Variants in LINGO2 observed in about 807,000 individuals in gnomAD.
LINGO2 encodes the protein leucine rich repeat and Ig domain containing 2.
In LINGO2, 14 loss-of-function variants were observed where a neutral mutation model predicts 30.6. The observed-to-expected ratio is 0.46, with a 90% CI of 0.30 to 0.72. LINGO2 has a LOEUF of 0.72. LINGO2 is among the 30% of genes least tolerant of loss of function. The probability of loss-of-function intolerance (pLI) is 0.07; values close to 1 mark genes in which losing one functional copy is unlikely to be tolerated. For missense variants in LINGO2, 729 were observed against 751.7 expected (o/e 0.97, Z 0.35); for synonymous variants, 317 against 288.5 (o/e 1.10, Z -1.00).
chr9:28,227,657 C>T (rs891591902), intron 4 of LINGO2, among the ~76,000 whole-genome samples: 12 of 151,976 alleles, frequency 7.9e-5, no homozygotes, highest in Non-Finnish European at 1.6e-4. Flanking sequence ...TAAAATGACT[C>T]CTAAAAGACT....
the LINGO2 span, among the ~76,000 whole-genome samples, chr9:29,180,769 T>C: frequency 6.6e-6 from 1 of 152,030 alleles, no homozygotes; most frequent in Non-Finnish European, 1.5e-5. Flanking sequence ...AAAGGGAAAA[T>C]AGGCAAAGAA....
chr9:28,307,150 C>A (rs912389855), intron 3 of LINGO2, among the ~76,000 whole-genome samples: 9 of 152,160 alleles, frequency 5.9e-5, no homozygotes, highest in African/African-American at 2.2e-4. Context: ...AGATCAATAT[C>A]CCTGATGAAC....
chr9:28,192,251 A>G (rs1289020556), intron 4 of LINGO2, among the ~76,000 whole-genome samples: 2 of 152,068 alleles, frequency 1.3e-5, no homozygotes, highest in East Asian at 1.9e-4. Context: ...ATATATATAC[A>G]TGTTATATAT....
chr9:28,778,325 AT>A, the LINGO2 span, among the ~76,000 whole-genome samples: 4 of 152,074 alleles, frequency 2.6e-5, no homozygotes, highest in Middle Eastern at 3.4e-3. Flanking sequence ...AATTTATGTG[AT>A]TTTTTTTCTT....
At chr9:29,123,000 T>A in the LINGO2 span, among the ~76,000 whole-genome samples, 1 of 152,136 alleles carries the variant, frequency 6.6e-6, no homozygotes, top group Non-Finnish European at 1.5e-5. Context: ...GGGTAGGTCC[T>A]GAGAATCTGC....
chr9:28,004,560 T>C (rs1822163008), intron 5 of LINGO2, among the ~76,000 whole-genome samples: 1 of 152,188 alleles, frequency 6.6e-6, no homozygotes, highest in Admixed American at 6.5e-5. Flanking sequence ...ACTGCGTTGA[T>C]GGTAAGGAGT....
chr9:28,074,516 C>T (rs1282052874), intron 4 of LINGO2, among the ~76,000 whole-genome samples: 1 of 152,122 alleles, frequency 6.6e-6, no homozygotes, highest in Non-Finnish European at 1.5e-5. Context: ...CAGAACATAA[C>T]AGCTTGTAAT....
At chr9:28,001,406 CA>C (rs1821946411) in intron 5 of LINGO2, among the ~76,000 whole-genome samples, 1 of 108,828 alleles carries the variant, frequency 9.2e-6, no homozygotes, top group Non-Finnish European at 2.0e-5. Flanking sequence ...ACAAGTTATA[CA>C]ATAAGCCCAT....
At chr9:28,447,548 C>A (rs943661685) in intron 2 of LINGO2, among the ~76,000 whole-genome samples, 13 of 152,158 alleles carry the variant, frequency 8.5e-5, no homozygotes, top group African/African-American at 3.1e-4. Context: ...ACTAAGACAG[C>A]AACCAACTGA....
the LINGO2 span, among the ~76,000 whole-genome samples, chr9:29,081,322 G>T: frequency 6.6e-6 from 1 of 151,976 alleles, no homozygotes; most frequent in Non-Finnish European, 1.5e-5. Context: ...CAGAACCAAA[G>T]ACAAAAACCA....
At chr9:29,162,992 T>C in the LINGO2 span, among the ~76,000 whole-genome samples, 1 of 152,118 alleles carries the variant, frequency 6.6e-6, no homozygotes, top group Admixed American at 6.5e-5. Flanking sequence ...AGAGAAAGCA[T>C]AAGAGAAAGA....
intron 3 of LINGO2, among the ~76,000 whole-genome samples, chr9:28,350,432 T>C (rs2134440060): frequency 6.7e-6 from 1 of 149,648 alleles, no homozygotes; most frequent in South Asian, 2.2e-4. Context: ...AAGGGATCAA[T>C]TCAACAAGAA....
chr9:28,858,987 C>T, the LINGO2 span, among the ~76,000 whole-genome samples: 1 of 151,886 alleles, frequency 6.6e-6, no homozygotes, highest in Non-Finnish European at 1.5e-5. Flanking sequence ...TCATAATATA[C>T]AGCAGAGATT....
intron 3 of LINGO2, among the ~76,000 whole-genome samples, chr9:28,312,517 A>T (rs1444399406): frequency 6.6e-6 from 1 of 152,176 alleles, no homozygotes; most frequent in Non-Finnish European, 1.5e-5. Flanking sequence ...GAAGCTAAAT[A>T]AGAGGATTTC....
At chr9:28,497,218 T>G (rs1003306589) in intron 1 of LINGO2, among the ~76,000 whole-genome samples, 6 of 152,232 alleles carry the variant, frequency 3.9e-5, no homozygotes, top group Non-Finnish European at 8.8e-5. Context: ...CTTGCTAGGT[T>G]GGGGAAGTTC....
the LINGO2 span, among the ~76,000 whole-genome samples, chr9:29,150,977 C>CA: frequency 2.6e-5 from 4 of 151,352 alleles, no homozygotes; most frequent in Admixed American, 6.6e-5. Flanking sequence ...TGAATGCAAA[C>CA]AAAAAAAATA....
At chr9:29,125,212 A>G in the LINGO2 span, among the ~76,000 whole-genome samples, 1 of 152,138 alleles carries the variant, frequency 6.6e-6, no homozygotes, top group Admixed American at 6.5e-5. Context: ...CTGAACAGTG[A>G]GAACAAATGG....
chr9:28,293,826 A>G (rs1055922276), intron 4 of LINGO2, among the ~76,000 whole-genome samples: 1 of 152,238 alleles, frequency 6.6e-6, no homozygotes, highest in African/African-American at 2.4e-5. Context: ...AGTCTATCCC[A>G]AAGTATTTTC....
At chr9:29,009,018 T>C in the LINGO2 span, among the ~76,000 whole-genome samples, 11 of 152,268 alleles carry the variant, frequency 7.2e-5, no homozygotes, top group South Asian at 2.3e-3. Context: ...AAATTAGGTA[T>C]TGATGGGACA....
Sources: allele counts gnomAD v4.1 joint callset (sites outside exome capture counted in the v4.1 genomes callset), GRCh38; gene constraint gnomAD v4.1.1; transcripts MANE v1.5; gene names NCBI Gene and HGNC (gene_info 2026-07-23, HGNC 2026-07-21).